The following ASPH variants were observed in gnomAD, a reference collection of about 807,000 sequenced individuals.
ASPH encodes the protein aspartyl/asparaginyl beta-hydroxylase.
Under a neutral mutation model 118.4 loss-of-function variants are expected in ASPH, and 100 were observed. The observed-to-expected ratio is 0.84, with a 90% CI of 0.72 to 1.00. ASPH has a LOEUF of 1.00. ASPH is among the 50% of genes least tolerant of loss of function. ASPH has a pLI of 0.00. For missense variants in ASPH, 920 were observed against 919.5 expected (o/e 1.00, Z -0.01); for synonymous variants, 315 against 325.6 (o/e 0.97, Z 0.35).
chr8:61,687,461 T>C (rs1160849328), intron 1 of ASPH: 2 of 152,228 alleles, frequency 1.3e-5, no homozygotes, highest in Admixed American at 1.3e-4. Context: ...TCAATTAAGT[T>C]TTCTAGCTCT....
chr8:61,663,312 TCAA>T (rs1301377912), intron 3 of ASPH: 2 of 985,186 alleles, frequency 2.0e-6, no homozygotes, highest in East Asian at 2.3e-4. Context: ...ATCACCATCC[TCAA>T]CTACAAAAAT....
At chr8:61,547,122 T>G (rs1245738580) in intron 21 of ASPH, among the ~76,000 whole-genome samples, 1 of 152,208 alleles carries the variant, frequency 6.6e-6, no homozygotes, top group Admixed American at 6.5e-5. Flanking sequence ...TAATTAACTG[T>G]GAGTCTCATT....
At chr8:61,662,621 A>G (rs1817484903) in intron 3 of ASPH, among the ~76,000 whole-genome samples, 1 of 152,218 alleles carries the variant, frequency 6.6e-6, no homozygotes, top group Admixed American at 6.5e-5. Flanking sequence ...AGTTGGATAA[A>G]GTGTGACTTC....
chr8:61,676,992 A>G (rs1351910713), intron 3 of ASPH, among the ~76,000 whole-genome samples: 2 of 152,184 alleles, frequency 1.3e-5, no homozygotes, highest in African/African-American at 2.4e-5. Context: ...GTAGCTCTAT[A>G]AAACTCTGGC....
chr8:61,624,043 G>T, intron 13 of ASPH: 1 of 217,370 alleles, frequency 4.6e-6, no homozygotes, highest in Non-Finnish European at 7.8e-6. Context: ...GGAGAGGGGA[G>T]CAGGAGGTGA....
intron 14 of ASPH, among the ~76,000 whole-genome samples, chr8:61,607,664 T>C (rs1846021049): frequency 6.6e-6 from 1 of 151,628 alleles, no homozygotes; most frequent in African/African-American, 2.4e-5. Context: ...GAGAGACCCA[T>C]GAATCGGTCT....
intron 21 of ASPH, among the ~76,000 whole-genome samples, chr8:61,531,813 T>A (rs150941943): frequency 6.6e-6 from 1 of 152,352 alleles, no homozygotes; most frequent in Non-Finnish European, 1.5e-5. Context: ...ATATCTGGCT[T>A]ACTTCACTTA....
At chr8:61,639,135 G>A (rs1238460128) in intron 10 of ASPH, among the ~76,000 whole-genome samples, 2 of 152,142 alleles carry the variant, frequency 1.3e-5, no homozygotes, top group African/African-American at 2.4e-5. Flanking sequence ...AAAGATGAAG[G>A]AGCAGTGAAT....
chr8:61,641,939 A>G (rs1262280110), intron 10 of ASPH, among the ~76,000 whole-genome samples: 1 of 152,178 alleles, frequency 6.6e-6, no homozygotes, highest in East Asian at 1.9e-4. Context: ...TAAAAAGGAT[A>G]TATTATTGGT....
intron 1 of ASPH, among the ~76,000 whole-genome samples, chr8:61,697,041 C>A (rs1006261252): frequency 6.6e-6 from 1 of 152,158 alleles, no homozygotes; most frequent in East Asian, 1.9e-4. Context: ...CCAGTTCCCA[C>A]TTTCTGGAGC....
At chr8:61,652,353 GAATAT>G (rs1414241666) in intron 4 of ASPH, among the ~76,000 whole-genome samples, 1 of 152,176 alleles carries the variant, frequency 6.6e-6, no homozygotes, top group Non-Finnish European at 1.5e-5. Flanking sequence ...CCTAGGAGCA[GAATAT>G]AATACCTCCA....
intron 1 of ASPH, among the ~76,000 whole-genome samples, chr8:61,695,204 A>G (rs1833641884): frequency 6.6e-6 from 1 of 152,244 alleles, no homozygotes; most frequent in Non-Finnish European, 1.5e-5. Flanking sequence ...GGTGATTTCA[A>G]TAACTTAGCA....
At chr8:61,596,447 C>T (rs1842532505) in intron 14 of ASPH, among the ~76,000 whole-genome samples, 1 of 152,242 alleles carries the variant, frequency 6.6e-6, no homozygotes. Context: ...AGTAAGCCTT[C>T]TGAAGGCCCA....
At position 61,565,318 on chromosome 8, in the gene ASPH, T is replaced by C. The variant is rs1049161103; in HGVS notation, c.1300+1850A>G. 3.3e-5 allele frequency among the ~76,000 whole-genome samples: 5 copies of C among 152,316 alleles called. No homozygotes were observed. In the South Asian group the frequency reaches 8.3e-4, roughly 25 times the overall value. On this transcript the variant is annotated intron_variant, in intron 17 of 24. Transcript: ENST00000379454. ...GAGTACCAGAAACAGCTATTATTCA[T>C]TTATACAAAATTTCCACAGATAATT...
intron 21 of ASPH, among the ~76,000 whole-genome samples, chr8:61,535,954 T>C (rs1243923740): frequency 6.6e-6 from 1 of 152,022 alleles, no homozygotes; most frequent in African/African-American, 2.4e-5. Context: ...CATTAAAGTG[T>C]AATCTCTCAC....
chr8:61,559,146 G>A (rs1828913834), intron 18 of ASPH, among the ~76,000 whole-genome samples: 2 of 152,120 alleles, frequency 1.3e-5, no homozygotes, highest in Non-Finnish European at 2.9e-5. Context: ...GGAAGATGGG[G>A]TATCCAGCCC....
chr8:61,540,852 G>C (rs1821598977), intron 21 of ASPH, among the ~76,000 whole-genome samples: 1 of 152,194 alleles, frequency 6.6e-6, no homozygotes, highest in East Asian at 1.9e-4. Context: ...TAGCACTTTA[G>C]GAGGCGGAGG....
intron 1 of ASPH, among the ~76,000 whole-genome samples, chr8:61,687,149 A>T (rs1476867738): frequency 8.5e-5 from 13 of 152,150 alleles, no homozygotes; most frequent in Non-Finnish European, 1.6e-4. Flanking sequence ...AATAGTTTGA[A>T]TTCAAATTTT....
chr8:61,708,036 C>T (rs1837130946), intron 1 of ASPH, among the ~76,000 whole-genome samples: 1 of 152,054 alleles, frequency 6.6e-6, no homozygotes, highest in African/African-American at 2.4e-5. Context: ...ATGATAATGA[C>T]TACCATAAAA....
Sources: gnomAD v4.1 joint callset for allele counts (sites outside exome capture counted in the v4.1 genomes callset) on GRCh38, gnomAD v4.1.1 for gene constraint, MANE v1.5 for transcripts, NCBI Gene and HGNC (gene_info 2026-07-23, HGNC 2026-07-21) for gene names.